Variants in USP35 observed in about 807,000 individuals in gnomAD.
The protein encoded by USP35 is ubiquitin specific peptidase 35, also known as ubiquitin carboxyl-terminal hydrolase 35.
In USP35, 69 loss-of-function variants were observed where a neutral mutation model predicts 83.8. That is an observed-to-expected ratio of 0.82 (90% CI 0.68 to 1.01). The LOEUF (loss-of-function observed/expected upper bound fraction) is 1.01, where lower values mean the gene tolerates loss of function less well. Ranked by LOEUF, USP35 falls within the 50% of genes least tolerant of loss-of-function variation. The probability of loss-of-function intolerance (pLI) is 0.00; values close to 1 mark genes in which losing one functional copy is unlikely to be tolerated. For synonymous variants in USP35, 714 were observed against 589.5 expected, an observed-to-expected ratio of 1.21 and a Z score of -3.06; for missense variants, 1,503 against 1,362.5, an observed-to-expected ratio of 1.10 and a Z score of -1.62.
the USP35 span, chr11:78,221,689 G>A: frequency 6.2e-7 from 1 of 1,610,840 alleles, no homozygotes; most frequent in Non-Finnish European, 8.5e-7. Context: ...TAGGGACATA[G>A]TTCTCTTCGC....
At chr11:78,223,576 G>C in the USP35 span, 2 of 1,613,628 alleles carry the variant, frequency 1.2e-6, no homozygotes, top group Non-Finnish European at 1.7e-6. Flanking sequence ...ATTATCACCT[G>C]CTCGTTCCAT....
chr11:78,205,228 G>A (rs1265698646), intron 6 of USP35, among the ~76,000 whole-genome samples: 1 of 152,178 alleles, frequency 6.6e-6, no homozygotes, highest in Non-Finnish European at 1.5e-5. Flanking sequence ...CTGACTGTAG[G>A]GTCAAGTTTT....
chr11:78,225,050 G>C, the USP35 span: 1 of 1,021,888 alleles, frequency 9.8e-7, no homozygotes, highest in African/African-American at 1.6e-5. Context: ...ATTCCATAAG[G>C]TGTGACCTTT....
the USP35 span, chr11:78,223,312 A>G: frequency 5.1e-6 from 5 of 976,134 alleles, no homozygotes; most frequent in East Asian, 1.4e-4. Flanking sequence ...ATTTGCCCCA[A>G]GTCACACCTC....
chr11:78,205,895 C>T lies in USP35; in HGVS notation c.1251C>T (p.Ala417=), dbSNP rs775567252. ...TCAAGCAGCTGCTGGGGCAGGATGC[C>T]TGGACTTCGCAGAAGAGCGAGCTGG... ...DRIKQLLGQD[A]WTSQKSELAG... is the part of the protein sequence containing the mutation. The change falls in exon 7 of 11, where the codon GCC becomes GCT. Residue 417 remains alanine (A), a synonymous_variant. Coordinates refer to ENST00000529308, the MANE Select transcript of USP35 (RefSeq NM_020798.4). 3.6e-5 allele frequency: 58 copies of T among 1,614,128 alleles called. 2 individuals carry two copies. The South Asian group carries it at 5.7e-4, about 16-fold the overall frequency.
rs1050221976 is a variant in USP35, at chr11:78,215,076, G to A, written c.*1263G>A. Among the ~76,000 whole-genome samples the A allele has an allele frequency of 2.6e-5, 4 of 152,096 alleles. No homozygotes were observed. The highest frequency in any genetic ancestry group is 6.5e-5 in the Admixed American group (1 of 15,278). On this transcript the variant is annotated 3_prime_UTR_variant, in exon 11 of 11. Transcript: ENST00000529308. ...ACCTGTGAAAGCAGCAGACAGACAC[G>A]CCCAGAACCCATCTCTAGACGCCTA...
At position 78,210,609 on chromosome 11, in the gene USP35, C is replaced by G; in HGVS notation, c.2754C>G (p.Ala918=). Residue 918 remains alanine, a synonymous_variant, in exon 10 of 11, where the codon GCC becomes GCG. Coordinates refer to ENST00000529308, the MANE Select transcript of USP35 (RefSeq NM_020798.4). ...NVTSFFPKDT[A]YVLFYRQRPR... is the part of the protein sequence containing the mutation. ...CCTCCTTCTTCCCTAAGGACACAGCCTATGTGCTGTTTTACCGGCAGCGGC... is the reference window on the plus strand; with the variant it reads ...CCTCCTTCTTCCCTAAGGACACAGCGTATGTGCTGTTTTACCGGCAGCGGC... 1 of 1,614,218 alleles carries G rather than the reference C, an allele frequency of 6.2e-7. No individual in the cohort carries two copies. The highest frequency in any genetic ancestry group is 8.5e-7 in the Non-Finnish European group (1 of 1,180,016).
chr11:78,226,335 T>G, the USP35 span: 1 of 728,076 alleles, frequency 1.4e-6, no homozygotes, highest in Non-Finnish European at 2.4e-6. Context: ...ACACCTATGT[T>G]TTTGAGTATC....
chr11:78,209,326 C>T, intron 9 of USP35, 122 bp from the exon 10 acceptor site: 1 of 1,050,156 alleles, frequency 9.5e-7, no homozygotes, highest in Non-Finnish European at 1.4e-6. Context: ...TTGGTGTGTG[C>T]ATGTGTGTTT....
chr11:78,215,944 T>G (rs576754605), downstream of USP35: 1 of 152,666 alleles, frequency 6.6e-6, no homozygotes, highest in Admixed American at 6.5e-5. Context: ...TCCAGTAACT[T>G]CAGAATGGTT....
chr11:78,199,213 C>T (rs1208225874), intron 3 of USP35: 11 of 240,058 alleles, frequency 4.6e-5, no homozygotes, highest in East Asian at 9.4e-5. Flanking sequence ...AGGCCCAGAG[C>T]GGGGAAGTGG....
chr11:78,224,718 C>T, the USP35 span, among the ~76,000 whole-genome samples: 1 of 152,140 alleles, frequency 6.6e-6, no homozygotes, highest in Admixed American at 6.6e-5. Context: ...AATTCTGCCA[C>T]TTAGCCTGAC....
chr11:78,213,540 C>A, intron 10 of USP35, 106 bp from the exon 11 acceptor site: 1 of 1,301,680 alleles, frequency 7.7e-7, no homozygotes, highest in South Asian at 2.2e-5. Context: ...TGTGTCCAGG[C>A]CCTGGGGACC....
At chr11:78,223,654 C>A in the USP35 span, 5 of 1,605,920 alleles carry the variant, frequency 3.1e-6, no homozygotes, top group South Asian at 2.2e-5. Context: ...GCTGTCCGAT[C>A]GGCCCACAAT....
At chr11:78,209,385 A>G (rs1024887932) in intron 9 of USP35, 63 bp from the exon 10 acceptor site, 28 of 1,475,898 alleles carry the variant, frequency 1.9e-5, no homozygotes, top group Non-Finnish European at 2.5e-5. Context: ...GGGCATGGAT[A>G]AGCTGAGTGC....
the USP35 span, chr11:78,223,714 T>C: frequency 1.3e-6 from 2 of 1,525,652 alleles, no homozygotes; most frequent in Non-Finnish European, 1.8e-6. Context: ...CAGCTGTTAC[T>C]AGCAAGAAGA....
rs1180108455 is a variant in USP35 at position 78,205,941 on chromosome 11, A to G, written c.1297A>G (p.Met433Val). Residue 433 changes from methionine to valine, a missense_variant, in exon 7 of 11, where the codon ATG becomes GTG. By Grantham distance (21) the Met-to-Val change is conservative. Transcript: ENST00000529308. ...SELAGFYPRL[M>V]AKSDTGKIGL... ...GCTGGCGGGTTTCTATCCCCGGCTC[A>G]TGGCCAAGTCAGACACGGGCAAGAT... 6.2e-7 allele frequency: 1 copy of G among 1,614,162 alleles called. No homozygotes were observed. The highest frequency in any genetic ancestry group is 2.2e-5 in the East Asian group (1 of 44,904).
intron 8 of USP35, 106 bp downstream of exon 8, chr11:78,207,729 C>T: frequency 2.6e-6 from 3 of 1,168,378 alleles, no homozygotes; most frequent in Non-Finnish European, 3.7e-6. Context: ...GCTGTCATCT[C>T]CCATGTCAGT....
intron 7 of USP35, 154 bp from the exon 8 acceptor site, chr11:78,207,376 C>A: frequency 1.5e-6 from 1 of 677,458 alleles, no homozygotes; most frequent in Non-Finnish European, 2.6e-6. Flanking sequence ...TTCACCTGCT[C>A]CTCCTCCCCA....
Sources: allele counts gnomAD v4.1 joint callset (sites outside exome capture counted in the v4.1 genomes callset), GRCh38; gene constraint gnomAD v4.1.1; transcripts MANE v1.5; gene names NCBI Gene and HGNC (gene_info 2026-07-23, HGNC 2026-07-21).